GREB1L: variants seen among roughly 807,000 people sequenced by gnomAD.
GREB1L encodes GREB1-like protein.
Under a neutral mutation model 200.8 loss-of-function variants are expected in GREB1L, and 17 were observed. The ratio of observed to expected loss-of-function variants is 0.08; its 90% CI spans 0.06 to 0.13. The LOEUF (loss-of-function observed/expected upper bound fraction) is 0.13, where lower values mean the gene tolerates loss of function less well. Among genes scored for constraint, GREB1L ranks in the 10% least tolerant of loss-of-function variants. The pLI is 1.00. For missense variants in GREB1L, 1,657 were observed against 2,367.7 expected (o/e 0.70, Z 6.23); for synonymous variants, 789 against 893.0 (o/e 0.88, Z 2.08).
intron 15 of GREB1L, among the ~76,000 whole-genome samples, chr18:21,462,985 G>T (rs1043710238): frequency 3.3e-5 from 5 of 152,150 alleles, no homozygotes; most frequent in African/African-American, 1.2e-4. Flanking sequence ...ACTGTATGTT[G>T]TTAATGTGAC....
In GREB1L at chr18:21,495,695, A is replaced by G. The variant is rs1314169127; in HGVS notation, c.3056A>G (p.Glu1019Gly). 1 of 1,534,972 alleles carries G rather than the reference A, an allele frequency of 6.5e-7. No homozygotes were observed. Among genetic ancestry groups the G allele is most frequent in the Admixed American group, 2.0e-5 (1 of 50,122 alleles). Residue 1019 changes from glutamate (E) to glycine (G), a missense_variant, in exon 20 of 33, where the codon GAG becomes GGG. Glu to Gly is a moderately conservative substitution (Grantham distance 98, BLOSUM62 -2). Coordinates refer to ENST00000424526, the MANE Select transcript of GREB1L (RefSeq NM_001142966.3). ...LKSWRGNEPE[E>G]WIPRTYQDLD... Reference sequence around the variant, plus strand: ...AGTTGGAGAGGAAATGAACCAGAAGAGTGGATCCCTCGGACATACCAAGAT... The same window carrying G: ...AGTTGGAGAGGAAATGAACCAGAAGGGTGGATCCCTCGGACATACCAAGAT...
chr18:21,259,938 G>A (rs1404020945), intron 1 of GREB1L, among the ~76,000 whole-genome samples: 1 of 151,484 alleles, frequency 6.6e-6, no homozygotes, highest in Non-Finnish European at 1.5e-5. Context: ...TTATTGAGCA[G>A]AAACTAACTT....
chr18:21,425,713 A>G (rs1210828220), intron 7 of GREB1L, among the ~76,000 whole-genome samples: 1 of 152,192 alleles, frequency 6.6e-6, no homozygotes, highest in African/African-American at 2.4e-5. Context: ...TATACAAATC[A>G]ATTTTCAATT....
chr18:21,251,620 G>A (rs1182181524), intron 1 of GREB1L, among the ~76,000 whole-genome samples: 1 of 151,996 alleles, frequency 6.6e-6, no homozygotes, highest in African/African-American at 2.4e-5. Context: ...ATGATAGATT[G>A]GGGAAAAAAA....
At chr18:21,479,133 C>T (rs1361563270) in intron 17 of GREB1L, among the ~76,000 whole-genome samples, 2 of 152,214 alleles carry the variant, frequency 1.3e-5, no homozygotes, top group African/African-American at 2.4e-5. Flanking sequence ...CCACTCACCT[C>T]GGCCTCTCAA....
chr18:21,465,042 T>G (rs1317437713), intron 15 of GREB1L, among the ~76,000 whole-genome samples: 1 of 152,216 alleles, frequency 6.6e-6, no homozygotes, highest in Non-Finnish European at 1.5e-5. Flanking sequence ...GTAAACATTA[T>G]GGAATGGCTA....
chr18:21,337,986 C>CA (rs1162784846), intron 1 of GREB1L, among the ~76,000 whole-genome samples: 104 of 148,424 alleles, frequency 7.0e-4, no homozygotes, highest in Admixed American at 1.5e-3. Flanking sequence ...GACTCCGTCT[C>CA]AAAAAAAAAG....
chr18:21,418,731 G>T (rs1276208003), intron 7 of GREB1L, among the ~76,000 whole-genome samples: 3 of 151,988 alleles, frequency 2.0e-5, no homozygotes, highest in African/African-American at 7.3e-5. Flanking sequence ...CACCATGTTG[G>T]CCAGGCTGGT....
intron 17 of GREB1L, among the ~76,000 whole-genome samples, 182 bp downstream of exon 17, chr18:21,477,538 G>A (rs972218652): frequency 9.9e-5 from 15 of 152,188 alleles, no homozygotes; most frequent in Admixed American, 2.0e-4. Context: ...TATAATTCCA[G>A]CACTTTGGGA....
intron 1 of GREB1L, among the ~76,000 whole-genome samples, chr18:21,339,762 T>C (rs908969041): frequency 1.3e-5 from 2 of 152,260 alleles, no homozygotes; most frequent in Non-Finnish European, 2.9e-5. Context: ...AGGAAACCTC[T>C]CTCAACCTTA....
At chr18:21,270,241 T>C (rs552606844) in intron 1 of GREB1L, among the ~76,000 whole-genome samples, 2 of 152,334 alleles carry the variant, frequency 1.3e-5, no homozygotes, top group South Asian at 2.1e-4. Context: ...ACATTTATGC[T>C]TAACTCTGAG....
chr18:21,335,666 CTTTTTTTT>C (rs746907148), intron 1 of GREB1L, among the ~76,000 whole-genome samples: 3 of 139,336 alleles, frequency 2.2e-5, no homozygotes, highest in Non-Finnish European at 4.7e-5. Context: ...TTCTTTTTTT[CTTTTTTTT>C]TTTTTTCGAG....
intron 6 of GREB1L, among the ~76,000 whole-genome samples, chr18:21,402,730 C>A (rs2041371357): frequency 6.6e-6 from 1 of 151,810 alleles, no homozygotes; most frequent in African/African-American, 2.4e-5. Flanking sequence ...GCCATGTTGC[C>A]CAGACTGGTC....
intron 17 of GREB1L, among the ~76,000 whole-genome samples, chr18:21,484,074 C>T (rs1293741719): frequency 1.3e-5 from 2 of 151,830 alleles, no homozygotes; most frequent in Middle Eastern, 3.4e-3. Context: ...TTAGGGAATA[C>T]TTACTTTATC....
At chr18:21,452,730 G>A (rs1372481240) in intron 14 of GREB1L, among the ~76,000 whole-genome samples, 1 of 152,190 alleles carries the variant, frequency 6.6e-6, no homozygotes, top group Non-Finnish European at 1.5e-5. Flanking sequence ...GAGTGTCAGG[G>A]ATGAGGAGTC....
chr18:21,520,327 A>G (rs2037567470), intron 31 of GREB1L, among the ~76,000 whole-genome samples: 1 of 152,354 alleles, frequency 6.6e-6, no homozygotes, highest in South Asian at 2.1e-4. Flanking sequence ...ATTCTCACCA[A>G]TAAGGCAATC....
intron 1 of GREB1L, among the ~76,000 whole-genome samples, chr18:21,358,318 T>G (rs751414609): frequency 1.3e-5 from 2 of 152,216 alleles, no homozygotes; most frequent in Non-Finnish European, 2.9e-5. Flanking sequence ...TTTATTTATT[T>G]ATGTAGAGAC....
intron 1 of GREB1L, among the ~76,000 whole-genome samples, chr18:21,352,520 G>A (rs2039448808): frequency 6.7e-6 from 1 of 148,164 alleles, no homozygotes. Flanking sequence ...TGTAACCTCC[G>A]CTTCCCGGGT....
chr18:21,438,590 G>A (rs1485400519), intron 7 of GREB1L, among the ~76,000 whole-genome samples: 52 of 151,878 alleles, frequency 3.4e-4, no homozygotes, highest in Non-Finnish European at 7.4e-5. Flanking sequence ...AATCGTTCAA[G>A]CCTAGGAATT....
Sources: gnomAD v4.1 joint callset for allele counts (sites outside exome capture counted in the v4.1 genomes callset) on GRCh38, gnomAD v4.1.1 for gene constraint, MANE v1.5 for transcripts, NCBI Gene and HGNC (gene_info 2026-07-23, HGNC 2026-07-21) for gene names.